GALNT2: variants seen among roughly 807,000 people sequenced by gnomAD.
GALNT2 encodes polypeptide N-acetylgalactosaminyltransferase 2, also known as UDP-GalNAc:polypeptide N-acetylgalactosaminyltransferase 2.
GALNT2 carries 31 observed loss-of-function variants against 81.4 expected under a neutral mutation model. That is an observed-to-expected ratio of 0.38 (90% confidence interval 0.29 to 0.51). The LOEUF (loss-of-function observed/expected upper bound fraction) is 0.51. Among genes scored for constraint, GALNT2 ranks in the 20% least tolerant of loss-of-function variants. The pLI is 0.87. For synonymous variants in GALNT2, 303 were observed against 287.4 expected (o/e 1.05, Z -0.55); for missense variants, 629 against 765.7 (o/e 0.82, Z 2.11).
chr1:230,266,456 G>C (rs989132541), intron 14 of GALNT2, among the ~76,000 whole-genome samples: 2 of 152,186 alleles, frequency 1.3e-5, no homozygotes, highest in Non-Finnish European at 2.9e-5. Context: ...GGTTAACTCC[G>C]TGTGTGTATC....
chr1:230,130,847 C>T (rs778294534), intron 1 of GALNT2, among the ~76,000 whole-genome samples: 1 of 152,042 alleles, frequency 6.6e-6, no homozygotes, highest in East Asian at 1.9e-4. Context: ...GGGATGAAAG[C>T]TGAGTGGGCG....
chr1:230,117,721 T>G (rs1326703595), intron 1 of GALNT2, among the ~76,000 whole-genome samples: 4 of 152,128 alleles, frequency 2.6e-5, no homozygotes. Flanking sequence ...CAGATCACCA[T>G]AAGATATAAT....
chr1:230,082,439 C>T (rs780546576), intron 1 of GALNT2, among the ~76,000 whole-genome samples: 5 of 152,246 alleles, frequency 3.3e-5, no homozygotes, highest in African/African-American at 4.8e-5. Flanking sequence ...TGCAGTTCCA[C>T]AGCCATTCAG....
At chr1:230,085,742 C>T (rs749163981) in intron 1 of GALNT2, among the ~76,000 whole-genome samples, 18 of 152,220 alleles carry the variant, frequency 1.2e-4, no homozygotes, top group Non-Finnish European at 2.1e-4. Flanking sequence ...CTGAGGTTCT[C>T]TTATTCATTG....
intron 1 of GALNT2, among the ~76,000 whole-genome samples, chr1:230,125,083 C>T (rs1030647186): frequency 7.9e-5 from 12 of 152,202 alleles, no homozygotes; most frequent in African/African-American, 2.4e-4. Context: ...ACCTGGTCTC[C>T]GCTAAGCGGT....
intron 1 of GALNT2, among the ~76,000 whole-genome samples, chr1:230,151,969 C>T (rs1458737937): frequency 6.6e-6 from 1 of 152,144 alleles, no homozygotes; most frequent in Non-Finnish European, 1.5e-5. Flanking sequence ...TGTGAATTAT[C>T]ATGGTGCTGG....
intron 1 of GALNT2, among the ~76,000 whole-genome samples, chr1:230,099,994 C>T (rs1486185342): frequency 6.6e-6 from 1 of 152,170 alleles, no homozygotes; most frequent in African/African-American, 2.4e-5. Context: ...CAACCAAGAC[C>T]TAGGCTCCTT....
At chr1:230,083,071 G>A (rs1003751221) in intron 1 of GALNT2, among the ~76,000 whole-genome samples, 8 of 151,322 alleles carry the variant, frequency 5.3e-5, no homozygotes, top group Non-Finnish European at 8.9e-5. Flanking sequence ...CAGGGAAGCC[G>A]GGATGATGGA....
At chr1:230,061,575 T>C (rs1383675399) in intron 1 of GALNT2, among the ~76,000 whole-genome samples, 1 of 152,204 alleles carries the variant, frequency 6.6e-6, no homozygotes, top group Non-Finnish European at 1.5e-5. Flanking sequence ...TTGGATTCAG[T>C]TTTTATTCCT....
Position 230,249,169 on chromosome 1 carries a change from T to C in GALNT2, c.818-15T>C. On this transcript the variant is annotated splice_polypyrimidine_tract_variant and intron_variant, in intron 8 of 15. Transcript: ENST00000366672. ...AGTCTCTTGTCAACACCCTGTTTCTTTTCCTGGCTGGCAGGTTTTGATTGG... is the reference window on the plus strand; with the variant it reads ...AGTCTCTTGTCAACACCCTGTTTCTCTTCCTGGCTGGCAGGTTTTGATTGG... 6.2e-7 allele frequency: 1 copy of C among 1,613,604 alleles called. No homozygotes were observed. Among genetic ancestry groups the C allele is most frequent in the Non-Finnish European group, 8.5e-7 (1 of 1,179,518 alleles).
At chr1:230,143,149 G>A (rs1032010211) in intron 1 of GALNT2, among the ~76,000 whole-genome samples, 14 of 152,156 alleles carry the variant, frequency 9.2e-5, no homozygotes, top group African/African-American at 3.1e-4. Context: ...GAACCTCCTA[G>A]TCCTTCCCTT....
chr1:230,091,241 AT>A (rs5781563), intron 1 of GALNT2, among the ~76,000 whole-genome samples: 61,281 of 144,296 alleles, frequency 0.42, 12,610 homozygotes, highest in South Asian at 0.48. Flanking sequence ...AATTTTTTGT[AT>A]TTTTTTTTTT....
chr1:230,167,259 C>T (rs1198045623), intron 1 of GALNT2, among the ~76,000 whole-genome samples: 5 of 152,110 alleles, frequency 3.3e-5, no homozygotes, highest in Admixed American at 6.5e-5. Flanking sequence ...GATTCTCCTG[C>T]CTCAGCCTCC....
chr1:230,266,836 G>A (rs1666048790), intron 14 of GALNT2, among the ~76,000 whole-genome samples: 1 of 152,188 alleles, frequency 6.6e-6, no homozygotes, highest in Admixed American at 6.5e-5. Flanking sequence ...TTTCTCGTGT[G>A]GTTTTGGTAG....
Position 230,249,218 on chromosome 1 carries a change from C to T in GALNT2, c.852C>T (p.Tyr284=), listed in dbSNP as rs779551095. ...FDWNLVFKWD[Y]MTPEQRRSRQ... ...GGAACTTGGTATTCAAGTGGGATTA[C>T]ATGACGCCTGAGCAGAGAAGGTCCC... Residue 284 remains tyrosine (Y), a synonymous_variant, in exon 9 of 16, where the codon TAC becomes TAT. Transcript: ENST00000366672. The T allele has an allele frequency of 2.5e-6, 4 of 1,614,072 alleles. No homozygotes were observed. Among genetic ancestry groups the T allele is most frequent in the Non-Finnish European group, 3.4e-6 (4 of 1,180,040 alleles).
At chr1:230,100,102 T>G (rs1354484617) in intron 1 of GALNT2, among the ~76,000 whole-genome samples, 5 of 152,190 alleles carry the variant, frequency 3.3e-5, no homozygotes, top group African/African-American at 1.2e-4. Context: ...AATGAATGGT[T>G]TAAAAAATGA....
chr1:230,220,486 T>C (rs887458290), intron 3 of GALNT2, among the ~76,000 whole-genome samples: 1 of 151,938 alleles, frequency 6.6e-6, no homozygotes, highest in African/African-American at 2.4e-5. Flanking sequence ...CAGCTTGATA[T>C]CCTGCAGGGC....
chr1:230,111,215 T>A (rs894184625), intron 1 of GALNT2, among the ~76,000 whole-genome samples: 3 of 152,242 alleles, frequency 2.0e-5, no homozygotes, highest in Non-Finnish European at 4.4e-5. Context: ...TACATGTGCG[T>A]ACCATGCATG....
At chr1:230,278,659 G>A (rs1305186527) in intron 15 of GALNT2, among the ~76,000 whole-genome samples, 1 of 152,164 alleles carries the variant, frequency 6.6e-6, no homozygotes. Flanking sequence ...GGGCTCAAGG[G>A]TAGCAGAGAC....
Sources: allele counts gnomAD v4.1 joint callset (sites outside exome capture counted in the v4.1 genomes callset), GRCh38; gene constraint gnomAD v4.1.1; transcripts MANE v1.5; gene names NCBI Gene and HGNC (gene_info 2026-07-23, HGNC 2026-07-21).